TRPM6: variants seen among roughly 807,000 people sequenced by gnomAD.
The protein encoded by TRPM6 is transient receptor potential cation channel subfamily M member 6.
Under a neutral mutation model 247.6 loss-of-function variants are expected in TRPM6, and 111 were observed. The observed-to-expected ratio is 0.45, with a 90% confidence interval of 0.38 to 0.52. TRPM6 has a LOEUF of 0.52. Ranked by LOEUF, TRPM6 falls within the 20% of genes least tolerant of loss-of-function variation. The pLI, the probability that TRPM6 is intolerant of heterozygous loss-of-function variation, is 0.00. For synonymous variants in TRPM6, 892 were observed against 853.8 expected (o/e 1.04, Z -0.78); for missense variants, 2,126 against 2,421.5 (o/e 0.88, Z 2.56).
At chr9:74,746,135 A>C (rs1416179108) in intron 31 of TRPM6, among the ~76,000 whole-genome samples, 2 of 151,804 alleles carry the variant, frequency 1.3e-5, no homozygotes, top group Admixed American at 6.6e-5. Flanking sequence ...GCTACTCGGG[A>C]GGCTGAGGCA....
intron 1 of TRPM6, chr9:74,887,129 T>C: frequency 1.5e-6 from 1 of 674,580 alleles, no homozygotes; most frequent in Non-Finnish European, 2.1e-6. Context: ...TGTTGCGCCA[T>C]ATGCCAGCGG....
chr9:74,849,390 A>G (rs2118271423), intron 3 of TRPM6, among the ~76,000 whole-genome samples: 1 of 151,824 alleles, frequency 6.6e-6, no homozygotes, highest in South Asian at 2.1e-4. Context: ...AAATTAAGTC[A>G]TAAGGATGAA....
At chr9:74,883,599 C>T (rs970455447) in intron 1 of TRPM6, among the ~76,000 whole-genome samples, 58 of 152,158 alleles carry the variant, frequency 3.8e-4, no homozygotes, top group African/African-American at 1.4e-3. Context: ...TTCATCTGAA[C>T]ATACTATTCA....
chr9:74,780,266 C>A (rs908509971), intron 23 of TRPM6, among the ~76,000 whole-genome samples: 3 of 152,084 alleles, frequency 2.0e-5, no homozygotes. Flanking sequence ...ACCAGCCTGG[C>A]CAACAGGGTG....
rs554718185 is a variant in TRPM6 at position 74,785,656 on chromosome 9, G to A, written c.2919+218C>T. Among the ~76,000 whole-genome samples the A allele has an allele frequency of 2.6e-5, 4 of 152,200 alleles. No individual in the cohort carries two copies. In the East Asian group the frequency reaches 7.8e-4, roughly 29 times the overall value. On this transcript the variant is annotated intron_variant, in intron 21 of 38. Transcript: ENST00000360774. ...TCCCGCCTCAGCCTCCTGAGTAGCTGGGACTACAGGTGCCCACCACCATGC... is the reference window on the plus strand; with the variant it reads ...TCCCGCCTCAGCCTCCTGAGTAGCTAGGACTACAGGTGCCCACCACCATGC...
chr9:74,782,627 T>C (rs1362068220), intron 22 of TRPM6, 52 bp downstream of exon 22: 1 of 1,591,890 alleles, frequency 6.3e-7, no homozygotes, highest in African/African-American at 1.3e-5. Flanking sequence ...TATTTTACTC[T>C]TGTTAACTAT....
intron 1 of TRPM6, among the ~76,000 whole-genome samples, chr9:74,872,199 T>C (rs1326559717): frequency 6.6e-6 from 1 of 152,132 alleles, no homozygotes; most frequent in Non-Finnish European, 1.5e-5. Context: ...TTGGCCAGGG[T>C]AGCCTTGAAC....
At position 74,785,778 on chromosome 9, in the gene TRPM6, C is replaced by A. The variant is rs541476343; in HGVS notation, c.2919+96G>T. 68 of 1,422,366 alleles carry A rather than the reference C, an allele frequency of 4.8e-5. 1 individual carries two copies. The Middle Eastern group carries it at 1.5e-3, about 32-fold the overall frequency. 88.1% of individuals were successfully genotyped at this position (1,422,366 alleles called of 1,614,324 possible). ...GACCTTGTGATCCGCCCGCCTTGGC[C>A]TCCCAAAGTGCTGGGATTACAGGTG... On this transcript the variant is annotated intron_variant, in intron 21 of 38. Coordinates refer to ENST00000360774, the MANE Select transcript of TRPM6 (RefSeq NM_017662.5).
chr9:74,778,812 C>G (rs1280018789), intron 23 of TRPM6, among the ~76,000 whole-genome samples: 1 of 152,168 alleles, frequency 6.6e-6, no homozygotes, highest in Non-Finnish European at 1.5e-5. Context: ...TTGGGCAAGA[C>G]TCACTGGGTA....
At chr9:74,855,634 G>T in intron 2 of TRPM6, 69 bp from the exon 3 acceptor site, 1 of 964,430 alleles carries the variant, frequency 1.0e-6, no homozygotes, top group Non-Finnish European at 1.7e-6. Flanking sequence ...TGCTTGTACA[G>T]TAAATATCTA....
rs139901956 is a variant in TRPM6 at position 74,848,415 on chromosome 9, C to T, written c.153-6072G>A. Reference sequence around the variant, plus strand: ...GGCTAGGCTGGACAAAGGAATGATTCGTGTCCTAGGTTGGACAAAGCAAAT... The same window carrying T: ...GGCTAGGCTGGACAAAGGAATGATTTGTGTCCTAGGTTGGACAAAGCAAAT... On this transcript the variant is annotated intron_variant, in intron 3 of 38. Coordinates refer to ENST00000360774, the MANE Select transcript of TRPM6 (RefSeq NM_017662.5). Among the ~76,000 whole-genome samples, 62 of 152,270 alleles carry T rather than the reference C, an allele frequency of 4.1e-4. 1 individual carries two copies. The highest frequency in any genetic ancestry group is 1.3e-3 in the African/African-American group (52 of 41,546).
In TRPM6 at chr9:74,737,453, G is replaced by A. The variant is rs1382534977; in HGVS notation, c.5776+954C>T. The A allele has an allele frequency of 4.7e-6, 6 of 1,289,580 alleles. No homozygotes were observed. In the South Asian group the frequency reaches 7.4e-5, roughly 16 times the overall value. The allele number at this position is 1,289,580 out of a possible 1,614,324, so 79.9% of individuals were successfully genotyped here. A position where few individuals can be genotyped will look rare whatever the true frequency, so the allele number is the denominator to read the frequency against. On this transcript the variant is annotated intron_variant, in intron 36 of 38. Coordinates refer to ENST00000360774, the MANE Select transcript of TRPM6 (RefSeq NM_017662.5). ...CATAGAATCCCAGAACCAGAGAGCT[G>A]GGAAAGTCAGACAGGACAAGAAAAA...
Position 74,728,220 on chromosome 9 carries a change from A to C in TRPM6, c.5935+19T>G. On this transcript the variant is annotated intron_variant, in intron 38 of 38. Coordinates refer to ENST00000360774, the MANE Select transcript of TRPM6 (RefSeq NM_017662.5). Reference sequence around the variant, plus strand: ...TATGAGAGATTTACTTAGAGAAAAAAGAACTGTTAGTGGCATACCCGGGAG... The same window carrying C: ...TATGAGAGATTTACTTAGAGAAAAACGAACTGTTAGTGGCATACCCGGGAG... The C allele has an allele frequency of 6.4e-7, 1 of 1,567,572 alleles. No homozygotes were observed. Among genetic ancestry groups the C allele is most frequent in the Non-Finnish European group, 8.8e-7 (1 of 1,137,744 alleles).
intron 3 of TRPM6, among the ~76,000 whole-genome samples, chr9:74,847,640 T>C (rs574658444): frequency 7.9e-5 from 12 of 151,654 alleles, no homozygotes; most frequent in African/African-American, 2.9e-4. Flanking sequence ...TGTATAGTCA[T>C]ATACAGTCAT....
At chr9:74,728,194 C>T in intron 38 of TRPM6, 45 bp downstream of exon 38, 3 of 1,342,548 alleles carry the variant, frequency 2.2e-6, no homozygotes, top group Non-Finnish European at 3.2e-6. Context: ...GGATGTTGTT[C>T]TATGAGAGAT....
At chr9:74,847,334 G>A (rs778899254) in intron 3 of TRPM6, among the ~76,000 whole-genome samples, 4 of 152,014 alleles carry the variant, frequency 2.6e-5, no homozygotes, top group African/African-American at 7.2e-5. Context: ...CCATGCAGCT[G>A]GAATTACAGG....
chr9:74,878,563 A>G (rs1831261602), intron 1 of TRPM6, among the ~76,000 whole-genome samples: 1 of 152,178 alleles, frequency 6.6e-6, no homozygotes, highest in Non-Finnish European at 1.5e-5. Flanking sequence ...ACTACTGCAC[A>G]CACCCAGAAT....
chr9:74,791,526 T>C (rs1009566202), intron 19 of TRPM6, among the ~76,000 whole-genome samples: 4 of 152,206 alleles, frequency 2.6e-5, no homozygotes, highest in African/African-American at 9.7e-5. Flanking sequence ...AAGAAAATTC[T>C]ATGAAATAAA....
rs558208808 is a variant in TRPM6 at position 74,724,774 on chromosome 9, T to G, written c.5936-28A>C. The G allele has an allele frequency of 8.7e-6, 14 of 1,613,898 alleles. No homozygotes were observed. In the South Asian group the frequency reaches 1.2e-4, roughly 14 times the overall value. ...GCAAGGAGGACAAGTAAAAAGGTTA[T>G]AGTGGAACCCCAAGAACCTACTGTT... On this transcript the variant is annotated intron_variant, in intron 38 of 38. Transcript: ENST00000360774.
Sources: allele counts gnomAD v4.1 joint callset (sites outside exome capture counted in the v4.1 genomes callset), GRCh38; gene constraint gnomAD v4.1.1; transcripts MANE v1.5; gene names NCBI Gene and HGNC (gene_info 2026-07-23, HGNC 2026-07-21).